The following DOCK3 variants were observed in gnomAD, a reference collection of about 807,000 sequenced individuals.
DOCK3 encodes the protein dedicator of cytokinesis 3, also known as dedicator of cytokinesis protein 3.
Under a neutral mutation model 265.6 loss-of-function variants are expected in DOCK3, and 60 were observed. The observed-to-expected ratio is 0.23, with a 90% CI of 0.18 to 0.28. DOCK3 has a LOEUF of 0.28. DOCK3 is among the 10% of genes least tolerant of loss of function. DOCK3 has a pLI of 1.00. For synonymous variants in DOCK3, 881 were observed against 938.0 expected (o/e 0.94, Z 1.11); for missense variants, 1,981 against 2,594.3 (o/e 0.76, Z 5.14).
intron 5 of DOCK3, among the ~76,000 whole-genome samples, chr3:50,990,707 G>A (rs978168743): frequency 2.6e-5 from 4 of 152,278 alleles, no homozygotes; most frequent in Admixed American, 2.6e-4. Flanking sequence ...TCCCAAAGCT[G>A]AAGAACCTGG....
intron 5 of DOCK3, among the ~76,000 whole-genome samples, chr3:50,979,174 G>A (rs1318030943): frequency 6.6e-6 from 1 of 152,092 alleles, no homozygotes; most frequent in Non-Finnish European, 1.5e-5. Context: ...TCCTCCCCCA[G>A]TGTGTTTCAA....
chr3:51,192,992 C>G (rs1049292467), intron 12 of DOCK3, among the ~76,000 whole-genome samples: 2 of 152,074 alleles, frequency 1.3e-5, no homozygotes, highest in African/African-American at 2.4e-5. Context: ...TTGTCTTGTT[C>G]CAGTTCTTAG....
chr3:50,961,793 A>G (rs2076894534), intron 5 of DOCK3, among the ~76,000 whole-genome samples: 1 of 152,142 alleles, frequency 6.6e-6, no homozygotes, highest in Admixed American at 6.5e-5. Flanking sequence ...CCCCTTACCT[A>G]TCTTGGTTTA....
intron 14 of DOCK3, among the ~76,000 whole-genome samples, chr3:51,220,107 C>G (rs1179414190): frequency 6.6e-6 from 1 of 152,008 alleles, no homozygotes; most frequent in Non-Finnish European, 1.5e-5. Flanking sequence ...GTCTCTTCCT[C>G]AAGTAAATAA....
chr3:50,736,371 G>C (rs572029715), intron 1 of DOCK3, among the ~76,000 whole-genome samples: 1 of 152,262 alleles, frequency 6.6e-6, no homozygotes, highest in East Asian at 1.9e-4. Flanking sequence ...ATGTGTGCAT[G>C]TGTCTTTATA....
intron 3 of DOCK3, among the ~76,000 whole-genome samples, chr3:50,887,679 C>A (rs2048411407): frequency 8.6e-6 from 1 of 116,164 alleles, no homozygotes; most frequent in South Asian, 3.4e-4. Flanking sequence ...ATCAAGTCGG[C>A]TTCATCCCTG....
At chr3:51,037,187 A>G (rs77260798) in intron 5 of DOCK3, among the ~76,000 whole-genome samples, 18 of 152,290 alleles carry the variant, frequency 1.2e-4, no homozygotes, top group African/African-American at 3.9e-4. Flanking sequence ...TTAAAAAAAT[A>G]TAATGCAAAC....
intron 2 of DOCK3, among the ~76,000 whole-genome samples, chr3:50,791,223 C>T (rs549803740): frequency 2.4e-4 from 35 of 147,674 alleles, no homozygotes; most frequent in African/African-American, 3.5e-4. Flanking sequence ...TGATCTATTA[C>T]AGTTTTGGGG....
chr3:50,722,545 C>T (rs2037539040), intron 1 of DOCK3, among the ~76,000 whole-genome samples: 2 of 152,116 alleles, frequency 1.3e-5, no homozygotes, highest in Admixed American at 1.3e-4. Context: ...TGTTCTTTTA[C>T]ACAGTACTGT....
intron 21 of DOCK3, among the ~76,000 whole-genome samples, chr3:51,241,667 G>A (rs563269139): frequency 2.1e-4 from 32 of 152,044 alleles, no homozygotes; most frequent in Non-Finnish European, 4.0e-4. Flanking sequence ...TATTTCAGAA[G>A]GCCAGTCTTC....
chr3:51,206,869 G>A (rs1477858832), intron 12 of DOCK3, among the ~76,000 whole-genome samples: 2 of 152,216 alleles, frequency 1.3e-5, no homozygotes, highest in Non-Finnish European at 2.9e-5. Context: ...GAAGTCAAAT[G>A]TGAGATTTTA....
chr3:51,151,906 T>G (rs1219059254), intron 10 of DOCK3, among the ~76,000 whole-genome samples: 1 of 152,214 alleles, frequency 6.6e-6, no homozygotes, highest in Non-Finnish European at 1.5e-5. Context: ...AACCTGACTT[T>G]TCTCTCTCGC....
intron 1 of DOCK3, among the ~76,000 whole-genome samples, chr3:50,705,990 C>T (rs1350239921): frequency 3.3e-5 from 5 of 151,836 alleles, no homozygotes; most frequent in African/African-American, 1.2e-4. Flanking sequence ...AAGATCGTAC[C>T]ACTGCACTCC....
In DOCK3 at chr3:50,953,226, T is replaced by C. The variant is rs1404399537; in HGVS notation, c.315+19149T>C. 2.0e-5 allele frequency among the ~76,000 whole-genome samples: 3 copies of C among 152,260 alleles called. No individual in the cohort carries two copies. The East Asian group carries it at 5.8e-4, about 29-fold the overall frequency. On this transcript the variant is annotated intron_variant, in intron 5 of 52. Transcript: ENST00000266037. ...CAGTCTTAAAATGTAATTTTAAAAA[T>C]TCAGATTTCTTCCTATTTAGAAAAT... is the stretch of plus-strand genomic sequence containing the variant.
At chr3:51,161,530 T>A (rs943636729) in intron 12 of DOCK3, among the ~76,000 whole-genome samples, 1 of 152,230 alleles carries the variant, frequency 6.6e-6, no homozygotes, top group African/African-American at 2.4e-5. Context: ...GGCAGCATTA[T>A]TTTTAATAAG....
At chr3:51,081,464 A>G (rs1189717880) in intron 7 of DOCK3, among the ~76,000 whole-genome samples, 1 of 152,240 alleles carries the variant, frequency 6.6e-6, no homozygotes, top group Non-Finnish European at 1.5e-5. Context: ...ACCAATTTTG[A>G]ATAATAATTA....
At chr3:51,039,588 T>C (rs2080399995) in intron 5 of DOCK3, among the ~76,000 whole-genome samples, 1 of 152,230 alleles carries the variant, frequency 6.6e-6, no homozygotes, top group African/African-American at 2.4e-5. Context: ...GTATTGTTGA[T>C]AATTGCTTTA....
At chr3:51,178,408 T>C (rs2087089739) in intron 12 of DOCK3, among the ~76,000 whole-genome samples, 1 of 152,208 alleles carries the variant, frequency 6.6e-6, no homozygotes. Flanking sequence ...CCTGATTTCC[T>C]GATCTCTGCA....
At chr3:51,271,115 G>A in intron 24 of DOCK3, 108 bp downstream of exon 24, 1 of 1,280,770 alleles carries the variant, frequency 7.8e-7, no homozygotes, top group East Asian at 2.3e-5. Context: ...CAACGATTAT[G>A]CAAGAAACCA....
Sources: gnomAD v4.1 joint callset for allele counts (sites outside exome capture counted in the v4.1 genomes callset) on GRCh38, gnomAD v4.1.1 for gene constraint, MANE v1.5 for transcripts, NCBI Gene and HGNC (gene_info 2026-07-23, HGNC 2026-07-21) for gene names.